ZNF320: variants seen among roughly 807,000 people sequenced by gnomAD.
ZNF320 encodes the protein zinc finger gene 320.
ZNF320 carries 2 observed loss-of-function variants against 6.8 expected under a neutral mutation model. That is an observed-to-expected ratio of 0.29 (90% CI 0.12 to 0.93). The LOEUF (loss-of-function observed/expected upper bound fraction) is 0.93. ZNF320 is among the 40% of genes least tolerant of loss of function. The probability of loss-of-function intolerance (pLI) is 0.55; values close to 1 mark genes in which losing one functional copy is unlikely to be tolerated. For missense variants in ZNF320, 472 were observed against 611.0 expected, an observed-to-expected ratio of 0.77 and a Z score of 2.40; for synonymous variants, 208 against 203.2, an observed-to-expected ratio of 1.02 and a Z score of -0.20.
At chr19:52,865,494 TATTATAC>T in intron 5 of ZNF320, 1 of 139,112 alleles carries the variant, frequency 7.2e-6, no homozygotes, top group African/African-American at 2.8e-5. Context: ...AATACATATA[TATTATAC>T]ATATATATTT....
At chr19:52,868,305 G>A (rs2063615486) in intron 5 of ZNF320, among the ~76,000 whole-genome samples, 2 of 152,024 alleles carry the variant, frequency 1.3e-5, no homozygotes, top group South Asian at 2.1e-4. Flanking sequence ...TCGGGAGTTC[G>A]AGAGCAGTCT....
chr19:52,865,434 T>TTATA (rs1555814106), intron 5 of ZNF320: 17 of 153,316 alleles, frequency 1.1e-4, no homozygotes, highest in Admixed American at 2.2e-4. Flanking sequence ...GGTCCAGGCT[T>TTATA]TATATATATA....
downstream of ZNF320, among the ~76,000 whole-genome samples, chr19:52,872,719 T>C (rs185129106): frequency 1.5e-4 from 23 of 152,216 alleles, no homozygotes; most frequent in East Asian, 4.3e-3. Flanking sequence ...ACCAGGATGG[T>C]CTCAATCTCC....
chr19:52,870,130 CA>C (rs1239706889), intron 5 of ZNF320, among the ~76,000 whole-genome samples: 1 of 152,122 alleles, frequency 6.6e-6, no homozygotes, highest in African/African-American at 2.4e-5. Flanking sequence ...CATCAGCCAC[CA>C]TGCCCAGGCC....
At position 52,897,273 on chromosome 19, in the gene ZNF320, C is replaced by T. The variant is rs185909883; in HGVS notation, c.-270+247G>A. Among the ~76,000 whole-genome samples, 437 of 152,380 alleles carry T rather than the reference C, an allele frequency of 2.9e-3. 2 individuals carry two copies. The highest frequency in any genetic ancestry group is 0.01 in the African/African-American group (425 of 41,596). ...AGGACCAGGCAGAGGACGCGGCCTC[C>T]CGGGAACCGGGGTTGAGGCGCGGCG... On this transcript the variant is annotated intron_variant, in intron 1 of 5. Coordinates refer to ENST00000682928, the MANE Select transcript of ZNF320 (RefSeq NM_001351774.2).
At chr19:52,864,083 G>C in exon 6 of ZNF320, 2 of 469,024 alleles carry the variant, frequency 4.3e-6, no homozygotes, top group Non-Finnish European at 4.1e-6. Context: ...CCTGTATAAA[G>C]CGTTCTGTGC....
At chr19:52,897,072 A>G (rs1162908302) in intron 1 of ZNF320, among the ~76,000 whole-genome samples, 2 of 152,242 alleles carry the variant, frequency 1.3e-5, no homozygotes, top group African/African-American at 4.8e-5. Flanking sequence ...TTAACCCCCT[A>G]AAACTTTCTA....
At chr19:52,884,360 C>T (rs1214425587) in intron 5 of ZNF320, among the ~76,000 whole-genome samples, 5 of 152,252 alleles carry the variant, frequency 3.3e-5, no homozygotes, top group Admixed American at 1.3e-4. Flanking sequence ...CTCTGTTGCC[C>T]GGGCTGGAGT....
downstream of ZNF320, among the ~76,000 whole-genome samples, chr19:52,859,847 C>A (rs991829216): frequency 1.3e-5 from 2 of 151,740 alleles, no homozygotes; most frequent in African/African-American, 4.8e-5. Context: ...TTGCACTACA[C>A]GCTACCAGTT....
At chr19:52,862,622 A>C in exon 6 of ZNF320, 1 of 496,952 alleles carries the variant, frequency 2.0e-6, no homozygotes, top group Non-Finnish European at 3.5e-6. Context: ...TTGATGGTGA[A>C]TAGGCGATGC....
At chr19:52,898,891 C>T (rs556462575), upstream of ZNF320, among the ~76,000 whole-genome samples, 31 of 152,202 alleles carry the variant, frequency 2.0e-4, no homozygotes, top group Admixed American at 1.4e-3. Flanking sequence ...GGCCTGGTTT[C>T]GGGCCTGGCC....
chr19:52,890,420 G>A lies in ZNF320; in HGVS notation c.-73-92C>T. ...ACATACAAAGGAGGCCTCACCCTGG[G>A]AAATATGGTCCCCTCTGCTGCCCAC... On this transcript the variant is annotated intron_variant, in intron 3 of 5. Coordinates refer to ENST00000682928, the MANE Select transcript of ZNF320 (RefSeq NM_001351774.2). 2.8e-6 allele frequency: 3 copies of A among 1,057,118 alleles called. No homozygotes were observed. The South Asian group carries it at 5.0e-5, about 17-fold the overall frequency. The allele number at this position is 1,057,118 out of a possible 1,614,324, so 65.5% of individuals were successfully genotyped here.
rs2063913220 is a variant in ZNF320 at position 52,881,360 on chromosome 19, G to C, written c.766C>G (p.Gln256Glu). The change falls in exon 6 of 6, where the codon CAG becomes GAG. Residue 256 changes from glutamine to glutamate, a missense_variant. Physicochemically the swap from Gln to Glu is conservative, Grantham distance 29. This residue lies in a region of ZNF320 where 462 missense variants were observed against 559.7 expected (regional missense o/e 0.83). Coordinates refer to ENST00000682928, the MANE Select transcript of ZNF320 (RefSeq NM_001351774.2). ...TGATGGTACACAAGGTGTGATGTCTGACTAAAGGTCTTGCCACACTCATTA... is the reference window on the plus strand; with the variant it reads ...TGATGGTACACAAGGTGTGATGTCTCACTAAAGGTCTTGCCACACTCATTA... ...KCNECGKTFS[Q>E]TSHLVYHHRL... is the part of the protein sequence containing the mutation. The C allele has an allele frequency of 6.2e-7, 1 of 1,613,926 alleles. No individual in the cohort carries two copies. Among genetic ancestry groups the C allele is most frequent in the Middle Eastern group, 1.7e-4 (1 of 6,060 alleles).
chr19:52,889,758 G>A (rs1225001447), intron 4 of ZNF320, among the ~76,000 whole-genome samples: 1 of 152,152 alleles, frequency 6.6e-6, no homozygotes, highest in Non-Finnish European at 1.5e-5. Context: ...TTTTGAGTCA[G>A]AAACACAGTA....
chr19:52,869,917 C>G (rs1215928630), intron 5 of ZNF320, among the ~76,000 whole-genome samples: 1 of 151,984 alleles, frequency 6.6e-6, no homozygotes, highest in Admixed American at 6.6e-5. Flanking sequence ...GGGGTTTCAC[C>G]GTGTTAGCCA....
At chr19:52,900,099 C>T (rs1687761659), upstream of ZNF320, among the ~76,000 whole-genome samples, 1 of 152,182 alleles carries the variant, frequency 6.6e-6, no homozygotes, top group African/African-American at 2.4e-5. Flanking sequence ...TACCTGTCCA[C>T]TGATCAGGCA....
At chr19:52,862,209 G>T in exon 6 of ZNF320, 1 of 500,246 alleles carries the variant, frequency 2.0e-6, no homozygotes, top group South Asian at 1.6e-5. Context: ...ATTGCCTGAT[G>T]GATGGTGAGT....
chr19:52,870,371 CAGG>C (rs1408635137), intron 5 of ZNF320, among the ~76,000 whole-genome samples: 1 of 150,030 alleles, frequency 6.7e-6, no homozygotes, highest in Middle Eastern at 3.2e-3. Flanking sequence ...CACAGCTACT[CAGG>C]AGGCTGAGGC....
In ZNF320 at chr19:52,880,401, C is replaced by T. The variant is rs557069553; in HGVS notation, c.*195G>A. 1 of 502,458 alleles carries T rather than the reference C, an allele frequency of 2.0e-6. No individual in the cohort carries two copies. The highest frequency in any genetic ancestry group is 2.0e-5 in the African/African-American group (1 of 50,606). The allele number at this position is 502,458 out of a possible 1,614,324, so 31.1% of individuals were successfully genotyped here. A position where few individuals can be genotyped will look rare whatever the true frequency, so the allele number is the denominator to read the frequency against. On this transcript the variant is annotated 3_prime_UTR_variant, in exon 6 of 6. Transcript: ENST00000682928. ...ACAGGCTGGGAAAAGTGGCTCCCGT[C>T]TGTTGGCCAGGCTGGTCTCAAATTC... is the stretch of plus-strand genomic sequence containing the variant.
Sources: allele counts gnomAD v4.1 joint callset (sites outside exome capture counted in the v4.1 genomes callset), GRCh38; gene constraint gnomAD v4.1.1; regional missense constraint gnomAD v4.1.1; transcripts MANE v1.5; gene names NCBI Gene and HGNC (gene_info 2026-07-23, HGNC 2026-07-21).